The following IARS1 variants were observed in gnomAD, a reference collection of about 807,000 sequenced individuals.
IARS1 encodes isoleucyl-tRNA synthetase 1, also known as isoleucine--tRNA ligase, cytoplasmic.
A neutral mutation model predicts 168.2 loss-of-function variants in IARS1; 124 were observed. The observed-to-expected ratio is 0.74, with a 90% CI of 0.64 to 0.86. IARS1 has a LOEUF of 0.86. Ranked by LOEUF, IARS1 falls within the 40% of genes least tolerant of loss-of-function variation. The pLI is 0.00. For synonymous variants in IARS1, 532 were observed against 529.4 expected, an observed-to-expected ratio of 1.00 and a Z score of -0.07; for missense variants, 1,452 against 1,515.8, an observed-to-expected ratio of 0.96 and a Z score of 0.70.
At position 92,250,829 on chromosome 9, in the gene IARS1, G is replaced by A. The variant is rs1829912048; in HGVS notation, c.2313C>T (p.Pro771=). The part of the protein sequence containing the change: ...VLLSLCRLMA[P]YTPFLTELMY... The stretch of plus-strand genomic sequence containing the variant: ...TCAATTCAGTGAGAAAAGGTGTGTA[G>A]GGAGCCTGTATGAAGACACAGGACA... The change falls in exon 23 of 34, where the codon CCC becomes CCT. Residue 771 remains proline (P), a synonymous_variant. Transcript: ENST00000443024. The A allele has an allele frequency of 2.5e-6, 4 of 1,605,564 alleles. No individual in the cohort carries two copies. Among genetic ancestry groups the A allele is most frequent in the Non-Finnish European group, 3.4e-6 (4 of 1,176,474 alleles).
At chr9:92,230,655 T>C (rs909480950) in intron 30 of IARS1, among the ~76,000 whole-genome samples, 11 of 152,226 alleles carry the variant, frequency 7.2e-5, no homozygotes, top group African/African-American at 2.7e-4. Flanking sequence ...CTGCGAGTCA[T>C]TATAGAAAGC....
rs376865527 is a variant in IARS1, at chr9:92,258,954, C to A, written c.1916G>T (p.Arg639Leu). ...GTCCCGCACACCCTCTTCTTTAAAG[C>A]GGAGGTTTTCTGCTCTCACCACAGG... ...NSPVVRAENL[R>L]FKEEGVRDVL... The change falls in exon 19 of 34, where the codon CGC (arginine) becomes CTC (leucine). Residue 639 changes from arginine (R) to leucine (L), a missense_variant. Arg to Leu is a moderately radical substitution (Grantham distance 102). Coordinates refer to ENST00000443024, the MANE Select transcript of IARS1 (RefSeq NM_002161.6). The A allele has an allele frequency of 6.2e-7, 1 of 1,613,670 alleles. No individual in the cohort carries two copies. The highest frequency in any genetic ancestry group is 8.5e-7 in the Non-Finnish European group (1 of 1,179,818).
chr9:92,278,408 A>C, intron 7 of IARS1, 122 bp from the exon 8 acceptor site: 1 of 694,296 alleles, frequency 1.4e-6, no homozygotes, highest in Non-Finnish European at 2.6e-6. Context: ...TACTGTACCC[A>C]GTACTCACAG....
At chr9:92,251,761 G>C in intron 22 of IARS1, 47 bp downstream of exon 22, 1 of 1,371,586 alleles carries the variant, frequency 7.3e-7, no homozygotes, top group Non-Finnish European at 1.0e-6. Context: ...AGGTGCTGAA[G>C]GCAGCCCATA....
At chr9:92,288,681 T>C (rs1445730671) in intron 2 of IARS1, among the ~76,000 whole-genome samples, 3 of 152,280 alleles carry the variant, frequency 2.0e-5, no homozygotes, top group East Asian at 1.9e-4. Context: ...GGTAGTACTA[T>C]AGTAGCCTTC....
At chr9:92,226,561 G>A (rs1825714758) in intron 31 of IARS1, among the ~76,000 whole-genome samples, 1 of 152,098 alleles carries the variant, frequency 6.6e-6, no homozygotes, top group Non-Finnish European at 1.5e-5. Context: ...AGGGGGCTAG[G>A]GAATAAAAAT....
At chr9:92,288,914 A>T (rs758007714) in intron 2 of IARS1, among the ~76,000 whole-genome samples, 1 of 152,178 alleles carries the variant, frequency 6.6e-6, no homozygotes. Flanking sequence ...ATTAATAAAG[A>T]GTATCTGCTT....
chr9:92,242,366 A>G (rs1344189676), intron 28 of IARS1, 36 bp from the exon 29 acceptor site: 1 of 1,539,886 alleles, frequency 6.5e-7, no homozygotes, highest in Admixed American at 1.8e-5. Flanking sequence ...AAAGGGAAGT[A>G]CATTCTATTA....
chr9:92,264,729 C>T (rs1832036208), intron 16 of IARS1, among the ~76,000 whole-genome samples, 200 bp downstream of exon 16: 1 of 152,132 alleles, frequency 6.6e-6, no homozygotes, highest in African/African-American at 2.4e-5. Flanking sequence ...AACTACAGCC[C>T]TATTGTAGTG....
rs191031132 is a variant in IARS1 at position 92,236,815 on chromosome 9, C to T, written c.3283+4041G>A. On this transcript the variant is annotated intron_variant, in intron 30 of 33. Transcript: ENST00000443024. Reference sequence around the variant, plus strand: ...AGTGAGCTGAGTTGGCATCACTGCACTGTCCAGCCTGGGCGACAAGCATCC... The same window carrying T: ...AGTGAGCTGAGTTGGCATCACTGCATTGTCCAGCCTGGGCGACAAGCATCC... Among the ~76,000 whole-genome samples the T allele has an allele frequency of 4.5e-3, 679 of 152,354 alleles. 3 individuals carry two copies. The highest frequency in any genetic ancestry group is 6.8e-3 in the Middle Eastern group (2 of 294).
rs747247907 is a variant in IARS1 at position 92,242,325 on chromosome 9, A to G, written c.3006T>C (p.Asn1002=). The change falls in exon 29 of 34, where the codon AAT becomes AAC. Residue 1002 remains asparagine (N), a synonymous_variant. Transcript: ENST00000443024. ...CTGTGATTTCATCAGTTGGAACCAG[A>G]TTGCACTGAAAACACACACAGAAAA... The part of the protein sequence containing the change: ...NRIQKLRKKC[N]LVPTDEITVY... 3.7e-6 allele frequency: 6 copies of G among 1,610,142 alleles called. No homozygotes were observed. The highest frequency in any genetic ancestry group is 5.1e-6 in the Non-Finnish European group (6 of 1,178,684).
At chr9:92,286,020 T>G (rs143058884) in intron 5 of IARS1, 181 bp from the exon 6 acceptor site, 3 of 540,274 alleles carry the variant, frequency 5.6e-6, no homozygotes, top group Non-Finnish European at 1.0e-5. Flanking sequence ...AGGCAGACAT[T>G]AAAATGCTAA....
intron 1 of IARS1, 188 bp downstream of exon 1, chr9:92,293,423 A>C: frequency 1.9e-6 from 1 of 531,390 alleles, no homozygotes; most frequent in South Asian, 1.4e-5. Context: ...AAAAGATTTT[A>C]CTCATTTCAA....
rs1831139666 is a variant in IARS1 at position 92,258,977 on chromosome 9, A to G, written c.1893T>C (p.Pro631=). Reference sequence around the variant, plus strand: ...AGCGGAGGTTTTCTGCTCTCACCACAGGGGAGTTAATCAGATATAATCTGG... The same window carrying G: ...AGCGGAGGTTTTCTGCTCTCACCACGGGGGAGTTAATCAGATATAATCTGG... The part of the protein sequence containing the change: ...DALRLYLINS[P]VVRAENLRFK... The change falls in exon 19 of 34, where the codon CCT becomes CCC. Residue 631 remains proline, a synonymous_variant. Coordinates refer to ENST00000443024, the MANE Select transcript of IARS1 (RefSeq NM_002161.6). The G allele has an allele frequency of 6.2e-7, 1 of 1,611,120 alleles. No homozygotes were observed. Among genetic ancestry groups the G allele is most frequent in the African/African-American group, 1.3e-5 (1 of 74,714 alleles).
chr9:92,235,994 T>C (rs930612926), intron 30 of IARS1, among the ~76,000 whole-genome samples: 1 of 152,118 alleles, frequency 6.6e-6, no homozygotes, highest in Non-Finnish European at 1.5e-5. Flanking sequence ...TTTTTTTTCT[T>C]TTTTGAGACA....
intron 12 of IARS1, among the ~76,000 whole-genome samples, chr9:92,270,303 T>C (rs1002617758): frequency 2.0e-5 from 3 of 152,178 alleles, no homozygotes; most frequent in African/African-American, 7.2e-5. Context: ...AACTGAACAT[T>C]TCATTTTCAC....
chr9:92,276,085 T>A (rs2133908097), intron 9 of IARS1, among the ~76,000 whole-genome samples: 1 of 151,634 alleles, frequency 6.6e-6, no homozygotes, highest in African/African-American at 2.4e-5. Flanking sequence ...TTTCAGATAA[T>A]AAAAAAAATA....
intron 10 of IARS1, among the ~76,000 whole-genome samples, chr9:92,272,204 T>A (rs1833145150): frequency 6.6e-6 from 1 of 152,220 alleles, no homozygotes; most frequent in Non-Finnish European, 1.5e-5. Flanking sequence ...GATGCCTAAA[T>A]ATAAAATTAA....
chr9:92,256,216 T>C (rs561702350), intron 20 of IARS1: 9 of 152,292 alleles, frequency 5.9e-5, no homozygotes, highest in African/African-American at 2.2e-4. Context: ...AGTTTCGCTC[T>C]TATTGCCCAG....
Sources: gnomAD v4.1 joint callset for allele counts (sites outside exome capture counted in the v4.1 genomes callset) on GRCh38, gnomAD v4.1.1 for gene constraint, MANE v1.5 for transcripts, NCBI Gene and HGNC (gene_info 2026-07-23, HGNC 2026-07-21) for gene names.